CARS2: variants seen among roughly 807,000 people sequenced by gnomAD.
CARS2 encodes the protein probable cysteine--tRNA ligase, mitochondrial.
In CARS2, 52 loss-of-function variants were observed where a neutral mutation model predicts 68.8. The observed-to-expected ratio is 0.76, with a 90% confidence interval of 0.61 to 0.95. The LOEUF (loss-of-function observed/expected upper bound fraction) is 0.95, where lower values mean the gene tolerates loss of function less well. Among genes scored for constraint, CARS2 ranks in the 40% least tolerant of loss-of-function variants. The pLI is 0.00. For synonymous variants in CARS2, 314 were observed against 303.6 expected (o/e 1.03, Z -0.36); for missense variants, 780 against 754.2 (o/e 1.03, Z -0.40).
At chr13:110,690,511 A>G (rs1047880422) in intron 3 of CARS2, among the ~76,000 whole-genome samples, 1 of 152,198 alleles carries the variant, frequency 6.6e-6, no homozygotes, top group Admixed American at 6.5e-5. Flanking sequence ...CTGGGGGTCC[A>G]TCATGCTGGA....
At position 110,679,597 on chromosome 13, in the gene CARS2, A is replaced by AAGAAAGAAAGAAAGAAAGAAAGAAAGAG. The variant is rs1312030282; in HGVS notation, c.656-2495_656-2494insCTCTTTCTTTCTTTCTTTCTTTCTTTCT. Among the ~76,000 whole-genome samples the AAGAAAGAAAGAAAGAAAGAAAGAAAGAG allele has an allele frequency of 5.3e-3, 231 of 43,660 alleles. 1 individual carries two copies. The highest frequency in any genetic ancestry group is 0.037 in the Middle Eastern group (2 of 54). 28.6% of individuals were successfully genotyped at this position (43,660 alleles called of 152,430 possible). Reference sequence around the variant, plus strand: ...AGAGAAAGAAAGAAAGAAAGAAAGAAAGAGAGAGAGAGAGAGAGAGAGAGA... The same window carrying AAGAAAGAAAGAAAGAAAGAAAGAAAGAG: ...AGAGAAAGAAAGAAAGAAAGAAAGAAAGAAAGAAAGAAAGAAAGAAAGAAAGAGAGAGAGAGAGAGAGAGAGAGAGAGA... On this transcript the variant is annotated intron_variant, in intron 6 of 14. Coordinates refer to ENST00000257347, the MANE Select transcript of CARS2 (RefSeq NM_024537.4).
At position 110,676,608 on chromosome 13, in the gene CARS2, G is replaced by T. The variant is rs1270562303; in HGVS notation, c.785+366C>A. On this transcript the variant is annotated intron_variant, in intron 7 of 14. Transcript: ENST00000257347. This position sits in a 1 kb window ranked among gnomAD's most constrained non-coding sequence, Gnocchi z 4.0. ...AGCTAGAAGAGCTGGCGGGAAGGCG[G>T]AGAGGGATTTGGGGGCTAGAGAAGT... is the stretch of plus-strand genomic sequence containing the variant. 6.6e-6 allele frequency among the ~76,000 whole-genome samples: 1 copy of T among 152,142 alleles called. No individual in the cohort carries two copies. Among genetic ancestry groups the T allele is most frequent in the East Asian group, 1.9e-4 (1 of 5,186 alleles).
At chr13:110,704,642 G>T (rs2063887942) in intron 2 of CARS2, among the ~76,000 whole-genome samples, 2 of 152,054 alleles carry the variant, frequency 1.3e-5, no homozygotes, top group African/African-American at 4.8e-5. Context: ...GAGAATTGCT[G>T]CCAGGAGGCG....
At chr13:110,642,767 A>C (rs759686899) in intron 13 of CARS2, 1 of 733,168 alleles carries the variant, frequency 1.4e-6, no homozygotes, top group Non-Finnish European at 2.5e-6. Flanking sequence ...CTCACTCGGG[A>C]GTTGGAAGAA....
intron 7 of CARS2, among the ~76,000 whole-genome samples, chr13:110,669,838 G>A (rs1019038697): frequency 3.9e-5 from 6 of 152,120 alleles, no homozygotes; most frequent in African/African-American, 1.4e-4. Flanking sequence ...GACGGTACCT[G>A]GAAAATCAGG....
intron 6 of CARS2, among the ~76,000 whole-genome samples, chr13:110,679,704 A>G (rs2063101225): frequency 6.7e-6 from 1 of 149,514 alleles, no homozygotes; most frequent in East Asian, 2.0e-4. Flanking sequence ...AAAAGGGAAG[A>G]AAGAAAAGAG....
At chr13:110,703,088 CT>C (rs933642350) in intron 2 of CARS2, among the ~76,000 whole-genome samples, 13 of 152,178 alleles carry the variant, frequency 8.5e-5, no homozygotes, top group Admixed American at 2.6e-4. Context: ...CTCCTCCCCC[CT>C]AGCACCAAAC....
rs550431344 is a variant in CARS2 at position 110,642,298 on chromosome 13, C to G, written c.1623+17G>C. The G allele has an allele frequency of 7.8e-6, 12 of 1,542,984 alleles. No individual in the cohort carries two copies. Among genetic ancestry groups the G allele is most frequent in the Non-Finnish European group, 8.8e-6 (10 of 1,141,426 alleles). On this transcript the variant is annotated intron_variant, in intron 14 of 14. Coordinates refer to ENST00000257347, the MANE Select transcript of CARS2 (RefSeq NM_024537.4). ...CGGCTCCTGGGGTGATGTCCCTGAC[C>G]TTGGTGCGGCACTCACCTTGATGTT...
chr13:110,702,790 G>A (rs1480834604), intron 2 of CARS2, among the ~76,000 whole-genome samples: 6 of 152,102 alleles, frequency 3.9e-5, no homozygotes, highest in South Asian at 4.2e-4. Context: ...TGCAAGTGCC[G>A]GGCAGCCAAG....
rs568135841 is a variant in CARS2, at chr13:110,656,268, A to G, written c.988-5168T>C. On this transcript the variant is annotated intron_variant, in intron 9 of 14. Coordinates refer to ENST00000257347, the MANE Select transcript of CARS2 (RefSeq NM_024537.4). Reference sequence around the variant, plus strand: ...CAGTGAGTTGAGATCACACTAATGCACTACAGCCTGGGTGACAGAGCAAGA... The same window carrying G: ...CAGTGAGTTGAGATCACACTAATGCGCTACAGCCTGGGTGACAGAGCAAGA... Among the ~76,000 whole-genome samples, 207 of 152,356 alleles carry G rather than the reference A, an allele frequency of 1.4e-3. 1 individual carries two copies. In the Middle Eastern group the frequency reaches 0.02, roughly 15 times the overall value.
At chr13:110,712,938 C>T (rs1192473424) in intron 1 of CARS2, 10 of 1,558,074 alleles carry the variant, frequency 6.4e-6, no homozygotes, top group South Asian at 2.4e-5. Flanking sequence ...GCGCGGGAGC[C>T]GCCTAGGCTG....
intron 5 of CARS2, among the ~76,000 whole-genome samples, chr13:110,683,547 ATTAT>A (rs1224176608): frequency 1.3e-5 from 2 of 152,264 alleles, no homozygotes; most frequent in Admixed American, 6.5e-5. Flanking sequence ...TACTGAGACA[ATTAT>A]TTAATCAGAA....
At chr13:110,656,862 C>T (rs112437770) in intron 9 of CARS2, among the ~76,000 whole-genome samples, 8 of 149,270 alleles carry the variant, frequency 5.4e-5, no homozygotes, top group Non-Finnish European at 7.4e-5. Flanking sequence ...CCAGCCTGGG[C>T]GACAGAGTGA....
At position 110,701,444 on chromosome 13, in the gene CARS2, G is replaced by A; in HGVS notation, c.387C>T (p.Ala129=). The A allele has an allele frequency of 7.4e-7, 1 of 1,358,314 alleles. No homozygotes were observed. The highest frequency in any genetic ancestry group is 1.1e-6 in the Non-Finnish European group (1 of 946,892). 84.1% of individuals were successfully genotyped at this position (1,358,314 alleles called of 1,614,324 possible). ...GTAACTCTTCTCCACTTACCTCATTGGCTCTTTTGATGATTTTATCATCTA... is the reference window on the plus strand; with the variant it reads ...GTAACTCTTCTCCACTTACCTCATTAGCTCTTTTGATGATTTTATCATCTA... ...TDVDDKIIKR[A]NEMNISPASL... is the part of the protein sequence containing the mutation. Residue 129 remains alanine, a synonymous_variant, in exon 3 of 15, where the codon GCC becomes GCT. Transcript: ENST00000257347.
At chr13:110,695,765 A>G (rs1273111625) in intron 3 of CARS2, among the ~76,000 whole-genome samples, 1 of 150,948 alleles carries the variant, frequency 6.6e-6, no homozygotes, top group South Asian at 2.1e-4. Context: ...CATTGGATAA[A>G]AAGAATTACC....
intron 3 of CARS2, among the ~76,000 whole-genome samples, chr13:110,694,967 C>A (rs1355110861): frequency 1.3e-5 from 2 of 152,118 alleles, no homozygotes; most frequent in African/African-American, 4.8e-5. Flanking sequence ...TCTGTGGGTT[C>A]AATCGATCTC....
Position 110,653,995 on chromosome 13 carries a change from T to G in CARS2, c.988-2895A>C, listed in dbSNP as rs569658175. 5.3e-4 allele frequency among the ~76,000 whole-genome samples: 81 copies of G among 152,302 alleles called. No homozygotes were observed. Among genetic ancestry groups the G allele is most frequent in the African/African-American group, 1.9e-3 (77 of 41,570 alleles). Reference sequence around the variant, plus strand: ...GCAGTGTAAGCTCGTGCTGGAACTCTCCAGGAGGTAAGCAATCTCCCAGAG... The same window carrying G: ...GCAGTGTAAGCTCGTGCTGGAACTCGCCAGGAGGTAAGCAATCTCCCAGAG... On this transcript the variant is annotated intron_variant, in intron 9 of 14. Transcript: ENST00000257347. This position sits in a 1 kb window ranked among gnomAD's most constrained non-coding sequence, Gnocchi z 5.6.
At chr13:110,649,666 G>C (rs2062147643) in intron 10 of CARS2, among the ~76,000 whole-genome samples, 1 of 152,226 alleles carries the variant, frequency 6.6e-6, no homozygotes, top group African/African-American at 2.4e-5. Flanking sequence ...GGGACAAGAA[G>C]GGGGAGAGGG....
intron 9 of CARS2, among the ~76,000 whole-genome samples, chr13:110,651,737 T>C (rs2062220639): frequency 6.6e-6 from 1 of 152,238 alleles, no homozygotes; most frequent in Non-Finnish European, 1.5e-5. Context: ...AGAAAACGTC[T>C]GTCCAGAAAG....
Sources: allele counts gnomAD v4.1 joint callset (sites outside exome capture counted in the v4.1 genomes callset), GRCh38; gene constraint gnomAD v4.1.1; non-coding constraint Gnocchi (gnomAD v3.1); transcripts MANE v1.5; gene names NCBI Gene and HGNC (gene_info 2026-07-23, HGNC 2026-07-21).